CNTNAP2: variants seen among roughly 807,000 people sequenced by gnomAD.
The protein encoded by CNTNAP2 is contactin associated protein 2.
In CNTNAP2, 98 loss-of-function variants were observed where a neutral mutation model predicts 155.2. The ratio of observed to expected loss-of-function variants is 0.63; its 90% CI spans 0.54 to 0.75. The LOEUF is 0.75. CNTNAP2 is among the 30% of genes least tolerant of loss of function. The pLI, the probability that CNTNAP2 is intolerant of heterozygous loss-of-function variation, is 0.00. For missense variants in CNTNAP2, 1,727 were observed against 1,688.1 expected (o/e 1.02, Z -0.40); for synonymous variants, 651 against 631.2 (o/e 1.03, Z -0.47).
chr7:146,345,977 A>AG (rs1794813035), intron 1 of CNTNAP2, among the ~76,000 whole-genome samples: 1 of 152,190 alleles, frequency 6.6e-6, no homozygotes. Flanking sequence ...GTGCTTATTA[A>AG]GACCTCCGCA....
At chr7:147,578,637 G>T (rs1332228019) in intron 12 of CNTNAP2, among the ~76,000 whole-genome samples, 1 of 151,996 alleles carries the variant, frequency 6.6e-6, no homozygotes, top group Non-Finnish European at 1.5e-5. Flanking sequence ...TAAGAATGTT[G>T]CTTTAAATGA....
At chr7:147,931,457 C>T (rs1316544984) in intron 14 of CNTNAP2, among the ~76,000 whole-genome samples, 4 of 152,050 alleles carry the variant, frequency 2.6e-5, no homozygotes, top group African/African-American at 7.2e-5. Flanking sequence ...CCAGCATTTC[C>T]CTGACACCAA....
At chr7:146,233,204 T>C (rs909988990) in intron 1 of CNTNAP2, among the ~76,000 whole-genome samples, 1 of 152,080 alleles carries the variant, frequency 6.6e-6, no homozygotes, top group African/African-American at 2.4e-5. Flanking sequence ...TACTTGAGAA[T>C]AGAACTTAAG....
At chr7:147,094,618 G>A (rs1228253971) in intron 4 of CNTNAP2, among the ~76,000 whole-genome samples, 2 of 151,700 alleles carry the variant, frequency 1.3e-5, no homozygotes, top group Non-Finnish European at 2.9e-5. Context: ...GTGTTAGCCA[G>A]TATGATCTCT....
chr7:147,801,467 G>GCGGCCTTC (rs926256119), intron 13 of CNTNAP2, among the ~76,000 whole-genome samples: 1 of 151,930 alleles, frequency 6.6e-6, no homozygotes, highest in Admixed American at 6.6e-5. Context: ...AGAGCACCCT[G>GCGGCCTTC]CGGCCTTCCG....
chr7:146,235,432 G>T (rs529177033), intron 1 of CNTNAP2, among the ~76,000 whole-genome samples: 1 of 151,982 alleles, frequency 6.6e-6, no homozygotes, highest in African/African-American at 2.4e-5. Context: ...AGGAATCCAG[G>T]CCAAGTTCTT....
rs141423412 is a variant in CNTNAP2, at chr7:146,816,473, G to A, written c.209-23238G>A. Among the ~76,000 whole-genome samples the A allele has an allele frequency of 7.9e-4, 120 of 151,330 alleles. 1 individual carries two copies. In the East Asian group the frequency reaches 0.021, roughly 27 times the overall value. Reference sequence around the variant, plus strand: ...CCTCACCAACTGACTGCCCATGCCGGGAACAGTTGGCCATCCCACAGTCTA... The same window carrying A: ...CCTCACCAACTGACTGCCCATGCCGAGAACAGTTGGCCATCCCACAGTCTA... On this transcript the variant is annotated intron_variant, in intron 2 of 23. Transcript: ENST00000361727.
intron 8 of CNTNAP2, among the ~76,000 whole-genome samples, chr7:147,189,746 T>TCG (rs1802640358): frequency 1.7e-5 from 1 of 58,584 alleles, no homozygotes; most frequent in African/African-American, 4.1e-5. Context: ...ACACCACTTT[T>TCG]TTTTGTTGTT....
chr7:147,597,109 C>A (rs895905680), intron 12 of CNTNAP2, among the ~76,000 whole-genome samples: 1 of 152,232 alleles, frequency 6.6e-6, no homozygotes. Context: ...CTCAGGGCTG[C>A]TCTCCCTATG....
At chr7:148,311,990 T>C (rs184736731) in intron 21 of CNTNAP2, among the ~76,000 whole-genome samples, 42 of 152,210 alleles carry the variant, frequency 2.8e-4, no homozygotes, top group African/African-American at 9.9e-4. Context: ...TGAGTACACC[T>C]GAAGGAGCCG....
intron 3 of CNTNAP2, among the ~76,000 whole-genome samples, chr7:146,958,660 G>A (rs1797491506): frequency 6.6e-6 from 1 of 151,814 alleles, no homozygotes; most frequent in Non-Finnish European, 1.5e-5. Flanking sequence ...TGATCCGCCT[G>A]CCTCGGCCTC....
chr7:147,773,907 C>T (rs1422543591), intron 13 of CNTNAP2, among the ~76,000 whole-genome samples: 2 of 152,192 alleles, frequency 1.3e-5, no homozygotes, highest in Non-Finnish European at 2.9e-5. Flanking sequence ...TAAACTTCAT[C>T]TCCTACTACC....
At chr7:147,648,728 A>G (rs1584878821) in intron 13 of CNTNAP2, among the ~76,000 whole-genome samples, 2 of 152,178 alleles carry the variant, frequency 1.3e-5, no homozygotes, top group Admixed American at 1.3e-4. Context: ...ACCTCCCACC[A>G]GGTCCCTCCC....
At chr7:148,124,485 C>A (rs1804671721) in intron 16 of CNTNAP2, among the ~76,000 whole-genome samples, 1 of 152,124 alleles carries the variant, frequency 6.6e-6, no homozygotes. Context: ...GGGTCCCAAC[C>A]TCGGGCCACC....
chr7:146,159,050 A>T (rs1798174861), intron 1 of CNTNAP2, among the ~76,000 whole-genome samples: 1 of 152,254 alleles, frequency 6.6e-6, no homozygotes. Context: ...CTCTCGACAG[A>T]AACTCTACAA....
intron 13 of CNTNAP2, among the ~76,000 whole-genome samples, chr7:147,868,792 G>T (rs189549794): frequency 6.6e-6 from 1 of 152,244 alleles, no homozygotes; most frequent in South Asian, 2.1e-4. Flanking sequence ...CATGGGAAAG[G>T]TTCTCCTTGT....
At chr7:147,210,496 T>A (rs904462161) in intron 8 of CNTNAP2, among the ~76,000 whole-genome samples, 1 of 152,002 alleles carries the variant, frequency 6.6e-6, no homozygotes, top group African/African-American at 2.4e-5. Context: ...TTTTCATTTG[T>A]TAATCTAGTT....
chr7:146,268,645 T>G (rs970580230), intron 1 of CNTNAP2, among the ~76,000 whole-genome samples: 1 of 152,174 alleles, frequency 6.6e-6, no homozygotes, highest in African/African-American at 2.4e-5. Context: ...TTTTTCAAAC[T>G]TGCAACCTAA....
chr7:147,480,997 A>G (rs1798413142), intron 10 of CNTNAP2, among the ~76,000 whole-genome samples: 1 of 152,172 alleles, frequency 6.6e-6, no homozygotes, highest in Non-Finnish European at 1.5e-5. Flanking sequence ...ACAGAACAGC[A>G]GTTATTCTGA....
Sources: allele counts gnomAD v4.1 joint callset (sites outside exome capture counted in the v4.1 genomes callset), GRCh38; gene constraint gnomAD v4.1.1; transcripts MANE v1.5; gene names NCBI Gene and HGNC (gene_info 2026-07-23, HGNC 2026-07-21).